The following TUBB3 variants were observed in gnomAD, a reference collection of about 807,000 sequenced individuals.
The protein encoded by TUBB3 is tubulin beta 3 class III.
TUBB3 carries 17 observed loss-of-function variants against 37.8 expected under a neutral mutation model. That is an observed-to-expected ratio of 0.45 (90% CI 0.31 to 0.67). The LOEUF is 0.67. TUBB3 is among the 30% of genes least tolerant of loss of function. The pLI, the probability that TUBB3 is intolerant of heterozygous loss-of-function variation, is 0.07. For synonymous variants in TUBB3, 332 were observed against 278.9 expected, an observed-to-expected ratio of 1.19 and a Z score of -1.90; for missense variants, 262 against 657.9, an observed-to-expected ratio of 0.40 and a Z score of 6.58.
At chr16:89,931,609 A>T (rs568691029) in intron 1 of TUBB3, 1 of 158,482 alleles carries the variant, frequency 6.3e-6, no homozygotes. Context: ...GCCATATACC[A>T]TTTATATGCC....
intron 1 of TUBB3, among the ~76,000 whole-genome samples, chr16:89,929,474 C>T (rs990465255): frequency 3.3e-5 from 5 of 152,172 alleles, no homozygotes; most frequent in African/African-American, 1.2e-4. Context: ...CATGTCCATG[C>T]TGTCCGCGTT....
At chr16:89,932,033 CGTCAGCTGAGGCCAGTAATGTCCT>C (rs2030298582) in intron 1 of TUBB3, 1 of 279,502 alleles carries the variant, frequency 3.6e-6, no homozygotes, top group Non-Finnish European at 7.3e-6. Flanking sequence ...CTGTGAGTCC[CGTCAGCTGAGGCCAGTAATGTCCT>C]GGCACCATCA....
Position 89,923,368 on chromosome 16 carries a change from G to T in TUBB3, c.-34G>T, listed in dbSNP as rs747127027. On this transcript the variant is annotated 5_prime_UTR_variant, in exon 1 of 4. Transcript: ENST00000315491. ...TCAGCAGCCAGCCCGGCCCGCCCGC[G>T]CCCGTCCGCAGCCGCCCGCCAGACG... The T allele has an allele frequency of 8.3e-6, 12 of 1,446,290 alleles. No individual in the cohort carries two copies. The highest frequency in any genetic ancestry group is 4.0e-5 in the South Asian group (3 of 75,534). 89.6% of individuals were successfully genotyped at this position (1,446,290 alleles called of 1,614,324 possible).
chr16:89,925,848 C>T (rs888081536), intron 1 of TUBB3, among the ~76,000 whole-genome samples: 4 of 152,128 alleles, frequency 2.6e-5, no homozygotes, highest in African/African-American at 4.8e-5. Flanking sequence ...AGAGGGAAGT[C>T]GGGGTGACTC....
At chr16:89,932,872 A>C in intron 2 of TUBB3, 193 bp downstream of exon 2, 1 of 623,208 alleles carries the variant, frequency 1.6e-6, no homozygotes, top group Non-Finnish European at 2.9e-6. Flanking sequence ...AATAAATCAC[A>C]GTCACAAAAG....
chr16:89,934,449 G>A (rs774916312), intron 3 of TUBB3: 18 of 606,108 alleles, frequency 3.0e-5, no homozygotes, highest in South Asian at 2.0e-4. Context: ...CAGGAGGGCT[G>A]ATCCATTCAC....
At chr16:89,926,361 GC>G (rs998561010) in intron 1 of TUBB3, among the ~76,000 whole-genome samples, 26 of 152,258 alleles carry the variant, frequency 1.7e-4, no homozygotes, top group Non-Finnish European at 2.9e-4. Context: ...CGCGGGCCGG[GC>G]GGGAACCGCA....
At chr16:89,923,914 G>C (rs1477609123) in intron 1 of TUBB3, among the ~76,000 whole-genome samples, 1 of 152,056 alleles carries the variant, frequency 6.6e-6, no homozygotes, top group Non-Finnish European at 1.5e-5. Context: ...TGGAGTAGCC[G>C]AACGTCCCCC....
intron 1 of TUBB3, among the ~76,000 whole-genome samples, chr16:89,930,014 CCCTTCCTTCCTTCCTTCCTT>C (rs59751572): frequency 9.2e-5 from 13 of 141,460 alleles, no homozygotes; most frequent in South Asian, 4.7e-4. Context: ...CAGTTTTCTC[CCCTTCCTTCCTTCCTTCCTT>C]CCTTCCTTCC....
At chr16:89,925,071 G>GT (rs1454432516) in intron 1 of TUBB3, among the ~76,000 whole-genome samples, 1 of 152,114 alleles carries the variant, frequency 6.6e-6, no homozygotes, top group Non-Finnish European at 1.5e-5. Flanking sequence ...GCCCAGAGCT[G>GT]TGGTCCCACA....
intron 1 of TUBB3, among the ~76,000 whole-genome samples, chr16:89,927,759 C>G (rs1037998560): frequency 6.6e-6 from 1 of 152,238 alleles, no homozygotes; most frequent in Non-Finnish European, 1.5e-5. Context: ...AGGCACGCGC[C>G]TGGCCCACAG....
rs746788686 is a variant in TUBB3 at position 89,935,234 on chromosome 16, G to A, written c.783G>A (p.Pro261=). ...TGGCCGTCAACATGGTGCCCTTCCC[G>A]CGCCTGCACTTCTTCATGCCCGGCT... is the stretch of plus-strand genomic sequence containing the variant. ...RKLAVNMVPF[P]RLHFFMPGFA... Residue 261 remains proline (P), a synonymous_variant, in exon 4 of 4, where the codon CCG becomes CCA. Coordinates refer to ENST00000315491, the MANE Select transcript of TUBB3 (RefSeq NM_006086.4). 35 of 1,613,636 alleles carry A rather than the reference G, an allele frequency of 2.2e-5. No individual in the cohort carries two copies. The South Asian group carries it at 2.3e-4, about 11-fold the overall frequency.
rs77191445 is a variant in TUBB3 at position 89,933,586 on chromosome 16, C to T, written c.277+8C>T. 7.0e-3 allele frequency: 11,220 copies of T among 1,607,286 alleles called. 653 individuals carry two copies. In the African/African-American group the frequency reaches 0.13, roughly 19 times the overall value. On this transcript the variant is annotated splice_region_variant and intron_variant, in intron 3 of 3. Coordinates refer to ENST00000315491, the MANE Select transcript of TUBB3 (RefSeq NM_006086.4). ...CTGACAATTTCATCTTTGGTAAGTTCCCCCTGCTCCAAGCTCTGATGGCAG... is the reference window on the plus strand; with the variant it reads ...CTGACAATTTCATCTTTGGTAAGTTTCCCCTGCTCCAAGCTCTGATGGCAG...
rs1236489701 is a variant in TUBB3 at position 89,934,452 on chromosome 16, C to A, written c.278-277C>A. 3 of 608,912 alleles carry A rather than the reference C, an allele frequency of 4.9e-6. No individual in the cohort carries two copies. In the African/African-American group the frequency reaches 5.4e-5, roughly 11 times the overall value. The allele number at this position is 608,912 out of a possible 1,614,324, so 37.7% of individuals were successfully genotyped here. A position where few individuals can be genotyped will look rare whatever the true frequency, so the allele number is the denominator to read the frequency against. On this transcript the variant is annotated intron_variant, in intron 3 of 3. Coordinates refer to ENST00000315491, the MANE Select transcript of TUBB3 (RefSeq NM_006086.4). Reference sequence around the variant, plus strand: ...GGTATGCTGGAGCAGGAGGGCTGATCCATTCACCCAGGATCCCCTCAGGAG... The same window carrying A: ...GGTATGCTGGAGCAGGAGGGCTGATACATTCACCCAGGATCCCCTCAGGAG...
chr16:89,925,696 G>T (rs2030051352), intron 1 of TUBB3, among the ~76,000 whole-genome samples: 2 of 152,114 alleles, frequency 1.3e-5, no homozygotes, highest in Admixed American at 6.5e-5. Flanking sequence ...TTGCTCTGCT[G>T]CCCTTGTGGA....
chr16:89,933,085 T>C (rs2030330896), intron 2 of TUBB3: 1 of 474,806 alleles, frequency 2.1e-6, no homozygotes, highest in South Asian at 1.8e-5. Flanking sequence ...CACATGGACA[T>C]GTGATTTAAA....
chr16:89,934,524 A>G, intron 3 of TUBB3: 1 of 651,694 alleles, frequency 1.5e-6, no homozygotes, highest in Non-Finnish European at 2.8e-6. Flanking sequence ...GACTCTGTCC[A>G]GAGCCCTCGT....
intron 3 of TUBB3, 69 bp downstream of exon 3, chr16:89,933,647 G>A (rs751812578): frequency 5.4e-5 from 66 of 1,219,762 alleles, no homozygotes; most frequent in African/African-American, 1.3e-4. Context: ...GGTGGACGGG[G>A]ACGGCTGTGA....
At chr16:89,926,245 C>A (rs1276167868) in intron 1 of TUBB3, among the ~76,000 whole-genome samples, 1 of 152,126 alleles carries the variant, frequency 6.6e-6, no homozygotes, top group Non-Finnish European at 1.5e-5. Flanking sequence ...GGCACCGCCT[C>A]CTCGCGGCTG....
Sources: gnomAD v4.1 joint callset for allele counts (sites outside exome capture counted in the v4.1 genomes callset) on GRCh38, gnomAD v4.1.1 for gene constraint, MANE v1.5 for transcripts, NCBI Gene and HGNC (gene_info 2026-07-23, HGNC 2026-07-21) for gene names.